Variants in CDH23 observed in about 807,000 individuals in gnomAD.
CDH23 encodes cadherin related 23.
Under a neutral mutation model 317.1 loss-of-function variants are expected in CDH23, and 189 were observed. The observed-to-expected ratio is 0.60, with a 90% confidence interval of 0.53 to 0.67. The LOEUF is 0.67. Ranked by LOEUF, CDH23 falls within the 30% of genes least tolerant of loss-of-function variation. CDH23 has a pLI of 0.00. For missense variants in CDH23, 4,401 were observed against 4,592.4 expected, an observed-to-expected ratio of 0.96 and a Z score of 1.20; for synonymous variants, 1,839 against 1,876.8, an observed-to-expected ratio of 0.98 and a Z score of 0.52.
intron 11 of CDH23, chr10:71,622,986 T>C: frequency 1.0e-6 from 1 of 982,982 alleles, no homozygotes; most frequent in South Asian, 4.7e-5. Context: ...CTTACGCAGG[T>C]TGGGGGTTAG....
intron 9 of CDH23, among the ~76,000 whole-genome samples, chr10:71,601,288 C>G (rs2132475898): frequency 6.6e-6 from 1 of 152,350 alleles, no homozygotes; most frequent in South Asian, 2.1e-4. Context: ...ACTTTTTCAC[C>G]TCTATCCTCA....
intron 6 of CDH23, among the ~76,000 whole-genome samples, chr10:71,547,409 G>A (rs923182902): frequency 4.6e-5 from 7 of 152,210 alleles, no homozygotes; most frequent in African/African-American, 1.2e-4. Flanking sequence ...GGAGGGAGGC[G>A]AGGAGTCAGT....
intron 6 of CDH23, among the ~76,000 whole-genome samples, chr10:71,533,114 T>G (rs10999869): frequency 0.15 from 22,449 of 152,174 alleles, 2,122 homozygotes; most frequent in East Asian, 0.34. Flanking sequence ...TGGCCTCTGC[T>G]GGGTGGGACT....
chr10:71,573,085 T>G (rs1241322391), intron 8 of CDH23, among the ~76,000 whole-genome samples: 2 of 152,204 alleles, frequency 1.3e-5, no homozygotes, highest in East Asian at 3.9e-4. Flanking sequence ...CAGTGGTGCC[T>G]CCCTCTCCTT....
intron 6 of CDH23, among the ~76,000 whole-genome samples, chr10:71,548,648 A>G (rs1448735603): frequency 6.6e-6 from 1 of 152,218 alleles, no homozygotes; most frequent in Non-Finnish European, 1.5e-5. Flanking sequence ...ACAGAGACAG[A>G]GGGAAAAAGG....
intron 18 of CDH23, among the ~76,000 whole-genome samples, chr10:71,683,647 G>C (rs1028903375): frequency 6.6e-5 from 10 of 152,306 alleles, no homozygotes; most frequent in East Asian, 5.8e-4. Context: ...CAGAATTTAG[G>C]GGGGGCCAGG....
intron 11 of CDH23, among the ~76,000 whole-genome samples, chr10:71,618,359 G>T (rs1295880058): frequency 6.6e-6 from 1 of 152,044 alleles, no homozygotes; most frequent in Non-Finnish European, 1.5e-5. Context: ...ACAGGGGCGG[G>T]CGTAGGGGGG....
chr10:71,598,570 T>C (rs1466755221), intron 9 of CDH23, among the ~76,000 whole-genome samples: 1 of 152,134 alleles, frequency 6.6e-6, no homozygotes, highest in Non-Finnish European at 1.5e-5. Context: ...CCAGAACAGC[T>C]GATGGGGAAG....
At chr10:71,512,841 A>G (rs1280213556) in intron 6 of CDH23, among the ~76,000 whole-genome samples, 1 of 152,186 alleles carries the variant, frequency 6.6e-6, no homozygotes, top group Non-Finnish European at 1.5e-5. Flanking sequence ...TATTTATTGA[A>G]TGTCTGCTGT....
chr10:71,680,535 G>T (rs888303977), intron 17 of CDH23, among the ~76,000 whole-genome samples: 15 of 152,080 alleles, frequency 9.9e-5, no homozygotes, highest in Non-Finnish European at 2.1e-4. Flanking sequence ...ATCAATTGAG[G>T]TCAGGAGTTT....
chr10:71,668,333 G>A (rs1163704279), intron 14 of CDH23, among the ~76,000 whole-genome samples: 5 of 152,316 alleles, frequency 3.3e-5, no homozygotes, highest in Admixed American at 6.5e-5. Flanking sequence ...TCAACAGGGC[G>A]AGGAGGATGA....
chr10:71,407,272 G>T (rs552239996), intron 1 of CDH23, among the ~76,000 whole-genome samples: 58 of 152,316 alleles, frequency 3.8e-4, no homozygotes, highest in African/African-American at 1.4e-3. Context: ...CAGAGCTGGG[G>T]CTGGGTTCTG....
chr10:71,630,741 T>A (rs1266877489), intron 11 of CDH23, among the ~76,000 whole-genome samples: 1 of 152,192 alleles, frequency 6.6e-6, no homozygotes, highest in East Asian at 1.9e-4. Context: ...AGGGCCTCGG[T>A]GAGGGGCTGC....
chr10:71,801,328 A>T (rs1841553952), intron 53 of CDH23, among the ~76,000 whole-genome samples: 1 of 151,330 alleles, frequency 6.6e-6, no homozygotes, highest in Non-Finnish European at 1.5e-5. Flanking sequence ...CTAATTTTGT[A>T]TTTTCAGTAG....
intron 1 of CDH23, among the ~76,000 whole-genome samples, chr10:71,416,479 A>G (rs1848538277): frequency 6.6e-6 from 1 of 152,188 alleles, no homozygotes; most frequent in African/African-American, 2.4e-5. Context: ...TTACATCCAT[A>G]AGACATTATT....
In CDH23 at chr10:71,570,937, C is replaced by G. The variant is rs773224102; in HGVS notation, c.753+19C>G. 3.1e-6 allele frequency: 5 copies of G among 1,613,024 alleles called. No individual in the cohort carries two copies. The highest frequency in any genetic ancestry group is 4.2e-6 in the Non-Finnish European group (5 of 1,179,418). On this transcript the variant is annotated intron_variant, in intron 8 of 69. Transcript: ENST00000224721. ...TCCTCCGGTAAGACTCCTGGCCCTT[C>G]CTTCTCAGAAGTCCCTTCTCAGAGG...
In CDH23 at chr10:71,741,755, A is replaced by G. The variant is rs753657667; in HGVS notation, c.4679A>G (p.Asn1560Ser). The change falls in exon 38 of 70, where the codon AAC (asparagine) becomes AGC (serine). Residue 1560 changes from asparagine to serine, a missense_variant. Coordinates refer to ENST00000224721, the MANE Select transcript of CDH23 (RefSeq NM_022124.6). ...GCCACTGACCGTGACATCGGGATCA[A>G]CAGTGTTCTGTCCTACTACATCACC... ...VRATDRDIGI[N>S]SVLSYYITEG... The G allele has an allele frequency of 1.9e-6, 3 of 1,612,690 alleles. No individual in the cohort carries two copies. Among genetic ancestry groups the G allele is most frequent in the Non-Finnish European group, 2.5e-6 (3 of 1,179,428 alleles).
chr10:71,468,809 G>T (rs763943236), intron 3 of CDH23, among the ~76,000 whole-genome samples: 12 of 152,302 alleles, frequency 7.9e-5, no homozygotes, highest in African/African-American at 2.6e-4. Context: ...GCCGGGGCCC[G>T]GCAGGAGACA....
At chr10:71,586,584 C>T (rs1859079648) in intron 9 of CDH23, among the ~76,000 whole-genome samples, 1 of 152,150 alleles carries the variant, frequency 6.6e-6, no homozygotes, top group African/African-American at 2.4e-5. Flanking sequence ...GCCTTACCCA[C>T]ACCTTATTCA....
Sources: gnomAD v4.1 joint callset for allele counts (sites outside exome capture counted in the v4.1 genomes callset) on GRCh38, gnomAD v4.1.1 for gene constraint, MANE v1.5 for transcripts, NCBI Gene and HGNC (gene_info 2026-07-23, HGNC 2026-07-21) for gene names.